The following EPB41L4B variants were observed in gnomAD, a reference collection of about 807,000 sequenced individuals.
EPB41L4B encodes the protein band 4.1-like protein 4B.
Under a neutral mutation model 112.5 loss-of-function variants are expected in EPB41L4B, and 30 were observed. The observed-to-expected ratio is 0.27, with a 90% confidence interval of 0.20 to 0.36. The LOEUF (loss-of-function observed/expected upper bound fraction) is 0.36. EPB41L4B is among the 10% of genes least tolerant of loss of function. The pLI is 1.00. For missense variants in EPB41L4B, 1,024 were observed against 1,133.3 expected, an observed-to-expected ratio of 0.90 and a Z score of 1.38; for synonymous variants, 408 against 439.7, an observed-to-expected ratio of 0.93 and a Z score of 0.90.
At chr9:109,300,247 A>C (rs1836908448) in intron 1 of EPB41L4B, 2 of 152,200 alleles carry the variant, frequency 1.3e-5, no homozygotes, top group Admixed American at 6.5e-5. Context: ...AAACTAGCCC[A>C]AATTTCTATC....
At chr9:109,261,647 T>C (rs1433582001) in intron 6 of EPB41L4B, among the ~76,000 whole-genome samples, 4 of 152,216 alleles carry the variant, frequency 2.6e-5, no homozygotes, top group East Asian at 1.9e-4. Flanking sequence ...AATTTGCAGA[T>C]GACTGATCAA....
intron 15 of EPB41L4B, among the ~76,000 whole-genome samples, chr9:109,238,529 C>T (rs1047654501): frequency 6.6e-6 from 1 of 152,180 alleles, no homozygotes. Flanking sequence ...TGAGCACCTG[C>T]TATCTGTCAG....
intron 1 of EPB41L4B, among the ~76,000 whole-genome samples, chr9:109,280,618 C>T (rs1459364031): frequency 1.3e-5 from 2 of 152,166 alleles, no homozygotes; most frequent in African/African-American, 4.8e-5. Context: ...CTCTCCCCAC[C>T]TCTCCTTGGG....
intron 4 of EPB41L4B, among the ~76,000 whole-genome samples, chr9:109,266,373 C>A (rs1835400932): frequency 6.6e-6 from 1 of 151,584 alleles, no homozygotes; most frequent in Non-Finnish European, 1.5e-5. Flanking sequence ...CAGACCTTGT[C>A]TCCAAAAAAA....
At chr9:109,192,428 G>T (rs1709172379) in intron 21 of EPB41L4B, 73 bp from the exon 22 acceptor site, 5 of 1,206,644 alleles carry the variant, frequency 4.1e-6, no homozygotes, top group Non-Finnish European at 5.9e-6. Flanking sequence ...GAAAAGACAG[G>T]CAGAGGTTCC....
chr9:109,201,518 G>A (rs1832832312), intron 19 of EPB41L4B, among the ~76,000 whole-genome samples: 1 of 151,280 alleles, frequency 6.6e-6, no homozygotes, highest in Non-Finnish European at 1.5e-5. Flanking sequence ...GAGGATTTGA[G>A]TCAATGCATT....
At chr9:109,194,811 C>G (rs966268447) in intron 20 of EPB41L4B, among the ~76,000 whole-genome samples, 1 of 152,126 alleles carries the variant, frequency 6.6e-6, no homozygotes, top group Non-Finnish European at 1.5e-5. Context: ...TCCCTGCAGC[C>G]TCTGGTAACA....
At chr9:109,254,150 C>T (rs1421909160) in intron 11 of EPB41L4B, among the ~76,000 whole-genome samples, 1 of 152,198 alleles carries the variant, frequency 6.6e-6, no homozygotes, top group Non-Finnish European at 1.5e-5. Flanking sequence ...CTCCAAACTC[C>T]CTTCCTTCTT....
In EPB41L4B at chr9:109,172,741, A is replaced by C. The variant is rs911791958; in HGVS notation, c.*1813T>G. On this transcript the variant is annotated 3_prime_UTR_variant, in exon 26 of 26. Coordinates refer to ENST00000374566, the MANE Select transcript of EPB41L4B (RefSeq NM_019114.5). The stretch of plus-strand genomic sequence containing the variant: ...TTTAGAAAGATTTCCCTCAAAAAAA[A>C]ATATATTAAAATTTTAAAGATTCAG... 1.3e-5 allele frequency: 2 copies of C among 152,602 alleles called. No individual in the cohort carries two copies. Among genetic ancestry groups the C allele is most frequent in the Non-Finnish European group, 2.9e-5 (2 of 68,028 alleles). The allele number at this position is 152,602 out of a possible 1,614,324, so 9.5% of individuals were successfully genotyped here. A position where few individuals can be genotyped will look rare whatever the true frequency, so the allele number is the denominator to read the frequency against.
chr9:109,216,567 G>C (rs751827056), intron 16 of EPB41L4B, among the ~76,000 whole-genome samples: 2 of 151,604 alleles, frequency 1.3e-5, no homozygotes, highest in Non-Finnish European at 2.9e-5. Flanking sequence ...CTCGGACCTG[G>C]GAGGGGGAGG....
At chr9:109,264,092 A>G (rs1447202785) in intron 5 of EPB41L4B, among the ~76,000 whole-genome samples, 1 of 152,158 alleles carries the variant, frequency 6.6e-6, no homozygotes, top group Non-Finnish European at 1.5e-5. Context: ...ACACACTCAT[A>G]ATACACACAC....
intron 20 of EPB41L4B, among the ~76,000 whole-genome samples, chr9:109,195,412 G>A (rs1366941704): frequency 6.6e-6 from 1 of 152,194 alleles, no homozygotes; most frequent in Non-Finnish European, 1.5e-5. Flanking sequence ...ATTATTCTGT[G>A]TATGGAGAAG....
intron 2 of EPB41L4B, among the ~76,000 whole-genome samples, chr9:109,276,639 G>A (rs1180317358): frequency 1.3e-5 from 2 of 152,294 alleles, no homozygotes; most frequent in South Asian, 2.1e-4. Flanking sequence ...TGGGAAAGCC[G>A]CCTGTATCCT....
chr9:109,291,215 A>G (rs1227282575), intron 1 of EPB41L4B, among the ~76,000 whole-genome samples: 3 of 152,212 alleles, frequency 2.0e-5, no homozygotes, highest in Admixed American at 1.3e-4. Context: ...AGTTCTTTCT[A>G]TCTCATCCCA....
At chr9:109,236,843 G>C (rs190356380) in intron 15 of EPB41L4B, among the ~76,000 whole-genome samples, 1 of 152,148 alleles carries the variant, frequency 6.6e-6, no homozygotes, top group Non-Finnish European at 1.5e-5. Context: ...CTTCGCCTCT[G>C]CATCTGTCCA....
chr9:109,314,665 C>T (rs1837567897), intron 1 of EPB41L4B, among the ~76,000 whole-genome samples: 1 of 151,648 alleles, frequency 6.6e-6, no homozygotes, highest in Admixed American at 6.5e-5. Context: ...TCTTTTAAAA[C>T]AAAGAAGGCA....
intron 1 of EPB41L4B, among the ~76,000 whole-genome samples, chr9:109,294,440 C>T (rs371936518): frequency 1.1e-3 from 169 of 152,038 alleles, no homozygotes; most frequent in African/African-American, 4.0e-3. Context: ...AACAGTGAGA[C>T]CTGATCTCTA....
intron 1 of EPB41L4B, among the ~76,000 whole-genome samples, chr9:109,280,699 C>T (rs2119137703): frequency 6.6e-6 from 1 of 152,206 alleles, no homozygotes; most frequent in South Asian, 2.1e-4. Flanking sequence ...GAAAAGGCTT[C>T]TTAATAGTCA....
At chr9:109,319,525 C>T (rs1423167773) in intron 1 of EPB41L4B, among the ~76,000 whole-genome samples, 2 of 152,194 alleles carry the variant, frequency 1.3e-5, no homozygotes, top group African/African-American at 4.8e-5. Flanking sequence ...TGCGAGGAGG[C>T]TGCGGGGCAG....
Sources: gnomAD v4.1 joint callset for allele counts (sites outside exome capture counted in the v4.1 genomes callset) on GRCh38, gnomAD v4.1.1 for gene constraint, MANE v1.5 for transcripts, NCBI Gene and HGNC (gene_info 2026-07-23, HGNC 2026-07-21) for gene names.